SLC2A9: variants seen among roughly 807,000 people sequenced by gnomAD.
SLC2A9 encodes solute carrier family 2, facilitated glucose transporter member 9.
SLC2A9 carries 39 observed loss-of-function variants against 50.6 expected under a neutral mutation model. The ratio of observed to expected loss-of-function variants is 0.77; its 90% CI spans 0.60 to 1.01. The LOEUF (loss-of-function observed/expected upper bound fraction) is 1.01, where lower values mean the gene tolerates loss of function less well. Ranked by LOEUF, SLC2A9 falls within the 50% of genes least tolerant of loss-of-function variation. SLC2A9 has a pLI of 0.00. For synonymous variants in SLC2A9, 324 were observed against 276.9 expected, an observed-to-expected ratio of 1.17 and a Z score of -1.69; for missense variants, 686 against 677.6, an observed-to-expected ratio of 1.01 and a Z score of -0.14.
downstream of SLC2A9, among the ~76,000 whole-genome samples, chr4:9,794,315 C>A (rs192105218): frequency 6.6e-6 from 1 of 152,132 alleles, no homozygotes; most frequent in Non-Finnish European, 1.5e-5. Flanking sequence ...CCACCACGCC[C>A]GGCTAATTTT....
At chr4:9,995,121 C>A (rs979735605) in intron 3 of SLC2A9, among the ~76,000 whole-genome samples, 1 of 152,134 alleles carries the variant, frequency 6.6e-6, no homozygotes, top group Non-Finnish European at 1.5e-5. Flanking sequence ...TAAGCTTGTG[C>A]AGATGCCCTC....
At chr4:9,914,606 GC>G (rs1378253833) in intron 7 of SLC2A9, among the ~76,000 whole-genome samples, 2 of 152,184 alleles carry the variant, frequency 1.3e-5, no homozygotes, top group African/African-American at 4.8e-5. Flanking sequence ...CCAAGGCAGG[GC>G]AATTGACCAT....
intron 5 of SLC2A9, among the ~76,000 whole-genome samples, chr4:9,970,195 T>C (rs1440858958): frequency 6.6e-6 from 1 of 151,872 alleles, no homozygotes; most frequent in East Asian, 1.9e-4. Context: ...TGGAGCTGAG[T>C]GGTGGGGAAT....
intron 8 of SLC2A9, among the ~76,000 whole-genome samples, chr4:9,892,649 T>G (rs1016629835): frequency 6.6e-6 from 1 of 152,174 alleles, no homozygotes; most frequent in Non-Finnish European, 1.5e-5. Context: ...AGCTGTGAGA[T>G]AAAGCGAAAG....
chr4:9,892,202 C>G (rs180981171), intron 8 of SLC2A9, among the ~76,000 whole-genome samples: 10 of 152,354 alleles, frequency 6.6e-5, no homozygotes, highest in Admixed American at 3.3e-4. Context: ...AAGGGCATAG[C>G]CCTGTGGGTC....
At chr4:9,921,465 G>A (rs1195593618) in intron 6 of SLC2A9, among the ~76,000 whole-genome samples, 1 of 152,196 alleles carries the variant, frequency 6.6e-6, no homozygotes, top group Non-Finnish European at 1.5e-5. Flanking sequence ...CTCCCACAGG[G>A]AAAGGTGGCT....
intron 10 of SLC2A9, among the ~76,000 whole-genome samples, chr4:9,851,600 G>C (rs1213077961): frequency 6.6e-6 from 1 of 152,140 alleles, no homozygotes; most frequent in African/African-American, 2.4e-5. Flanking sequence ...GACAGACATA[G>C]AATTCAGAAT....
chr4:9,845,194 T>C (rs1728757916), intron 10 of SLC2A9, among the ~76,000 whole-genome samples: 1 of 151,850 alleles, frequency 6.6e-6, no homozygotes, highest in African/African-American at 2.4e-5. Context: ...TTTGTATTTT[T>C]AGTAGAGATG....
At chr4:9,793,876 C>A (rs1490390363) in intron 3 of SLC2A9, among the ~76,000 whole-genome samples, 2 of 152,224 alleles carry the variant, frequency 1.3e-5, no homozygotes, top group African/African-American at 4.8e-5. Flanking sequence ...ATTTAAGCAA[C>A]TTTCTGTCCC....
intron 5 of SLC2A9, among the ~76,000 whole-genome samples, chr4:9,964,130 A>T (rs1361971428): frequency 1.3e-5 from 2 of 152,184 alleles, no homozygotes; most frequent in African/African-American, 4.8e-5. Flanking sequence ...CTTACAAAAG[A>T]GTTGCTGAAT....
intron 3 of SLC2A9, among the ~76,000 whole-genome samples, chr4:9,806,888 C>G: frequency 6.6e-6 from 1 of 152,188 alleles, no homozygotes; most frequent in Non-Finnish European, 1.5e-5. Flanking sequence ...GACGCTTGAA[C>G]TGATTAGAGG....
chr4:9,825,313 A>T (rs1000614949), downstream of SLC2A9, among the ~76,000 whole-genome samples: 2 of 152,164 alleles, frequency 1.3e-5, no homozygotes, highest in Non-Finnish European at 2.9e-5. Context: ...TCTATTCCAA[A>T]CACCTTCCTC....
chr4:9,791,806 G>A lies in SLC2A9; in HGVS notation n.386-11741C>T, dbSNP rs1004673443. On this transcript the variant is annotated intron_variant and non_coding_transcript_variant, in intron 3 of 3. Coordinates refer to the SLC2A9 transcript ENST00000503803. ...TACTCCTTGATTGCAGCCTTTGGGA[G>A]ACTGTGAGCCAGAAGACCCAGCGAA... 7.9e-5 allele frequency among the ~76,000 whole-genome samples: 12 copies of A among 152,280 alleles called. 2 individuals carry two copies. Among genetic ancestry groups the A allele is most frequent in the Admixed American group, 3.9e-4 (6 of 15,292 alleles).
chr4:9,898,887 C>T (rs1035736599), intron 8 of SLC2A9, among the ~76,000 whole-genome samples: 1 of 152,208 alleles, frequency 6.6e-6, no homozygotes, highest in Non-Finnish European at 1.5e-5. Context: ...ACAGGCTTTA[C>T]TAGAGCCGTA....
intron 3 of SLC2A9, among the ~76,000 whole-genome samples, chr4:9,992,498 G>A (rs1757883908): frequency 6.6e-6 from 1 of 152,192 alleles, no homozygotes; most frequent in African/African-American, 2.4e-5. Context: ...GTCCCCTGAT[G>A]AGGCAACATT....
At chr4:9,836,200 T>C (rs1370180074) in intron 10 of SLC2A9, among the ~76,000 whole-genome samples, 1 of 150,966 alleles carries the variant, frequency 6.6e-6, no homozygotes, top group Admixed American at 6.6e-5. Flanking sequence ...TGGGTGAATG[T>C]ATACTGCTTG....
chr4:9,948,518 G>A (rs1749618822), intron 5 of SLC2A9, among the ~76,000 whole-genome samples: 1 of 152,216 alleles, frequency 6.6e-6, no homozygotes, highest in Admixed American at 6.5e-5. Context: ...ATTACTGGCT[G>A]TGGACCACAG....
At chr4:9,960,672 G>T (rs1752119902) in intron 5 of SLC2A9, among the ~76,000 whole-genome samples, 1 of 152,202 alleles carries the variant, frequency 6.6e-6, no homozygotes, top group Non-Finnish European at 1.5e-5. Flanking sequence ...CTGTGAAAAT[G>T]CTATTTCTTT....
chr4:9,912,146 G>T (rs184925540), intron 7 of SLC2A9, among the ~76,000 whole-genome samples: 9 of 152,256 alleles, frequency 5.9e-5, no homozygotes, highest in African/African-American at 1.2e-4. Context: ...GTTCTGGGGT[G>T]GGGGGAGCGG....
Sources: allele counts gnomAD v4.1 joint callset (sites outside exome capture counted in the v4.1 genomes callset), GRCh38; gene constraint gnomAD v4.1.1; transcripts MANE v1.5; gene names NCBI Gene and HGNC (gene_info 2026-07-23, HGNC 2026-07-21).